The following MIER1 variants were observed in gnomAD, a reference collection of about 807,000 sequenced individuals.
MIER1 encodes the protein mesoderm induction early response protein 1.
Under a neutral mutation model 75.7 loss-of-function variants are expected in MIER1, and 40 were observed. The ratio of observed to expected loss-of-function variants is 0.53; its 90% CI spans 0.41 to 0.69. MIER1 has a LOEUF of 0.69. Among genes scored for constraint, MIER1 ranks in the 30% least tolerant of loss-of-function variants. The pLI, the probability that MIER1 is intolerant of heterozygous loss-of-function variation, is 0.00. For synonymous variants in MIER1, 213 were observed against 223.4 expected (o/e 0.95, Z 0.42); for missense variants, 574 against 680.2 (o/e 0.84, Z 1.74).
In MIER1 at chr1:66,971,730, G is replaced by A; in HGVS notation, c.1000G>A (p.Ala334Thr). Residue 334 changes from alanine to threonine, a missense_variant, in exon 10 of 14, where the codon GCT (alanine) becomes ACT (threonine). Around this residue, in one of 3 missense-constraint regions of MIER1, gnomAD observed 101 missense variants for 173.1 expected, o/e 0.58. Transcript: ENST00000401041. ...AAGATTAAGATTTAATGTAAAAGCA[G>A]CTAGAGGTAAGTATAGTTTTTATTC... ...LRRLRFNVKA[A>T]REELSVWTEE... 6.8e-7 allele frequency: 1 copy of A among 1,464,616 alleles called. No individual in the cohort carries two copies. The highest frequency in any genetic ancestry group is 9.4e-7 in the Non-Finnish European group (1 of 1,059,182). The allele number at this position is 1,464,616 out of a possible 1,614,324, so 90.7% of individuals were successfully genotyped here. A position where few individuals can be genotyped will look rare whatever the true frequency, so the allele number is the denominator to read the frequency against.
At chr1:66,957,307 C>G (rs2025609) in intron 4 of MIER1, among the ~76,000 whole-genome samples, 133,904 of 152,150 alleles carry the variant, frequency 0.88, 59,099 homozygotes, top group East Asian at 0.95. Context: ...GAAGTCCCTG[C>G]CCAAGGCACC....
chr1:66,940,376 A>G (rs1655939249), intron 3 of MIER1, among the ~76,000 whole-genome samples: 1 of 149,630 alleles, frequency 6.7e-6, no homozygotes, highest in Non-Finnish European at 1.5e-5. Context: ...TTAAAAAGGA[A>G]TCATTAGCTT....
intron 4 of MIER1, among the ~76,000 whole-genome samples, chr1:66,951,175 T>C (rs947757399): frequency 5.3e-5 from 8 of 152,212 alleles, no homozygotes; most frequent in Non-Finnish European, 1.0e-4. Context: ...AGATATAGTA[T>C]ATAGTGTTTA....
intron 4 of MIER1, among the ~76,000 whole-genome samples, chr1:66,956,236 A>G (rs565773869): frequency 6.6e-6 from 1 of 152,294 alleles, no homozygotes; most frequent in South Asian, 2.1e-4. Context: ...AGCCTGGGCA[A>G]CATGGTGAAA....
chr1:66,971,458 A>G (rs1445902270), intron 9 of MIER1, among the ~76,000 whole-genome samples, 197 bp from the exon 10 acceptor site: 1 of 152,060 alleles, frequency 6.6e-6, no homozygotes, highest in Non-Finnish European at 1.5e-5. Context: ...CCTACTTTGT[A>G]CATATTTAAA....
At chr1:66,950,528 GA>G (rs1658679114) in intron 4 of MIER1, among the ~76,000 whole-genome samples, 2 of 152,220 alleles carry the variant, frequency 1.3e-5, no homozygotes, top group Admixed American at 1.3e-4. Context: ...TTTGGGAAAA[GA>G]AAGATCAAGA....
intron 12 of MIER1, among the ~76,000 whole-genome samples, chr1:66,979,784 C>T (rs549275881): frequency 8.8e-5 from 13 of 147,556 alleles, no homozygotes; most frequent in East Asian, 2.0e-4. Flanking sequence ...TTTTTAAAGA[C>T]GGAGTCTCAA....
intron 2 of MIER1, among the ~76,000 whole-genome samples, chr1:66,936,049 G>C (rs1654746651): frequency 6.6e-6 from 1 of 151,922 alleles, no homozygotes; most frequent in Non-Finnish European, 1.5e-5. Context: ...GATAAGTTCA[G>C]GTTAGCAAAA....
intron 12 of MIER1, among the ~76,000 whole-genome samples, chr1:66,977,823 AAAAT>A (rs1665032065): frequency 6.6e-6 from 1 of 152,192 alleles, no homozygotes; most frequent in South Asian, 2.1e-4. Context: ...TGCAAAATAA[AAAAT>A]AAAAATAAAA....
At position 66,987,261 on chromosome 1, in the gene MIER1, C is replaced by CTATT. The variant is rs1453619340; in HGVS notation, c.*2364_*2367dup. The CTATT allele has an allele frequency of 6.6e-6, 1 of 152,666 alleles. No homozygotes were observed. The highest frequency in any genetic ancestry group is 6.6e-5 in the Admixed American group (1 of 15,264). The allele number at this position is 152,666 out of a possible 1,614,324, so 9.5% of individuals were successfully genotyped here. A position where few individuals can be genotyped will look rare whatever the true frequency, so the allele number is the denominator to read the frequency against. On this transcript the variant is annotated 3_prime_UTR_variant, in exon 14 of 14. Coordinates refer to ENST00000401041, the MANE Select transcript of MIER1 (RefSeq NM_001077700.3). ...CACTATAACTTGATAAGTCATTGCACTATTTAAAAAGTTTTAGTAATATCA... is the reference window on the plus strand; with the variant it reads ...CACTATAACTTGATAAGTCATTGCACTATTTATTTAAAAAGTTTTAGTAATATCA...
chr1:66,931,301 A>G (rs1653305146), intron 2 of MIER1, among the ~76,000 whole-genome samples: 1 of 152,208 alleles, frequency 6.6e-6, no homozygotes, highest in African/African-American at 2.4e-5. Context: ...AAGTTTAAAA[A>G]ATGTTTAAAA....
chr1:66,977,656 TC>T (rs1664996988), intron 12 of MIER1, among the ~76,000 whole-genome samples: 1 of 152,168 alleles, frequency 6.6e-6, no homozygotes, highest in Non-Finnish European at 1.5e-5. Flanking sequence ...AGTGAAACAT[TC>T]CACTACCACT....
rs1660544621 is a variant in MIER1, at chr1:66,958,184, T to A, written c.465T>A (p.Asp155Glu). The A allele has an allele frequency of 1.2e-6, 2 of 1,604,852 alleles. No individual in the cohort carries two copies. Among genetic ancestry groups the A allele is most frequent in the Non-Finnish European group, 1.7e-6 (2 of 1,171,794 alleles). The change falls in exon 5 of 14, where the codon GAT becomes GAA. Residue 155 changes from aspartate to glutamate, a missense_variant. Around this residue, in one of 3 missense-constraint regions of MIER1, gnomAD observed 309 missense variants for 352.8 expected, o/e 0.88. Transcript: ENST00000401041. Reference protein sequence around the residue: ...EEEGEDDEDADNDDNSGCSGE... With the variant: ...EEEGEDDEDAENDDNSGCSGE... ...AAGGTGAAGATGATGAAGATGCTGA[T>A]AATGATGACAACAGTGGCTGTAGTG... is the stretch of plus-strand genomic sequence containing the variant.
chr1:66,981,590 C>G (rs1438906115), intron 12 of MIER1, among the ~76,000 whole-genome samples, 189 bp from the exon 13 acceptor site: 3 of 152,076 alleles, frequency 2.0e-5, no homozygotes, highest in Admixed American at 2.0e-4. Context: ...ATGCATTTTT[C>G]CTATAAACAT....
chr1:66,928,148 G>T (rs2101007807), intron 2 of MIER1, among the ~76,000 whole-genome samples: 1 of 152,112 alleles, frequency 6.6e-6, no homozygotes, highest in East Asian at 1.9e-4. Flanking sequence ...GAAAAATGTA[G>T]AGAGTTTTTT....
chr1:66,947,982 T>C, intron 4 of MIER1: 1 of 984,904 alleles, frequency 1.0e-6, no homozygotes, highest in Non-Finnish European at 1.2e-6. Context: ...CCTAATTAGG[T>C]TTTAATTAGT....
In MIER1 at chr1:66,981,767, A is replaced by G. The variant is rs12039172; in HGVS notation, c.1230-12A>G. 381,459 of 1,574,258 alleles carry G rather than the reference A, an allele frequency of 0.24. 48,750 individuals carry two copies. Among genetic ancestry groups the G allele is most frequent in the Non-Finnish European group, 0.26 (303,387 of 1,162,792 alleles). On this transcript the variant is annotated splice_polypyrimidine_tract_variant and intron_variant, in intron 12 of 13. Transcript: ENST00000401041. ...CTCTTTTTAATATAAAAATTGTTTT[A>G]TTAATTTTAAGGGATTACATGGATC...
At chr1:66,963,994 CAT>C (rs1008656871) in intron 8 of MIER1, among the ~76,000 whole-genome samples, 4 of 151,046 alleles carry the variant, frequency 2.6e-5, no homozygotes, top group Admixed American at 6.6e-5. Flanking sequence ...TTAAATTTTA[CAT>C]GTTTTTTTTT....
chr1:66,926,094 C>T (rs1167609204), intron 1 of MIER1, 48 bp from the exon 2 acceptor site: 1 of 1,437,186 alleles, frequency 7.0e-7, no homozygotes, highest in African/African-American at 1.4e-5. Flanking sequence ...GAGCTTGTAT[C>T]ATCGTTTCTG....
Sources: allele counts gnomAD v4.1 joint callset (sites outside exome capture counted in the v4.1 genomes callset), GRCh38; gene constraint gnomAD v4.1.1; regional missense constraint gnomAD v4.1.1; transcripts MANE v1.5; gene names NCBI Gene and HGNC (gene_info 2026-07-23, HGNC 2026-07-21).